ARMCX4: variants seen among roughly 807,000 people sequenced by gnomAD.
The protein encoded by ARMCX4 is armadillo repeat-containing X-linked protein 4.
Under a neutral mutation model 34.7 loss-of-function variants are expected in ARMCX4, and 3 were observed. The ratio of observed to expected loss-of-function variants is 0.09; its 90% CI spans 0.04 to 0.22. ARMCX4 has a LOEUF of 0.22. Among genes scored for constraint, ARMCX4 ranks in the 10% least tolerant of loss-of-function variants. The pLI is 1.00. For synonymous variants in ARMCX4, 513 were observed against 632.8 expected (o/e 0.81, Z 2.84); for missense variants, 1,448 against 1,720.8 (o/e 0.84, Z 2.81).
chrX:101,520,929 C>CT lies in ARMCX4; in HGVS notation c.*1780+9889dup, dbSNP rs201578184. 5.4e-3 allele frequency among the ~76,000 whole-genome samples: 509 copies of CT among 94,677 alleles called. 2 individuals are homozygous for CT. Among genetic ancestry groups the CT allele is most frequent in the East Asian group, 0.029 (89 of 3,033 alleles). 82.2% of individuals were successfully genotyped at this position (94,677 alleles called of 115,157 possible). On this transcript the variant is annotated intron_variant and NMD_transcript_variant, in intron 11 of 12. Transcript: ENST00000354842. Reference sequence around the variant, plus strand: ...AAAAAAATTATTACTAATTAAATGTCTTTTTTTTTTTTTTTGAGATGGAGT... The same window carrying CT: ...AAAAAAATTATTACTAATTAAATGTCTTTTTTTTTTTTTTTTGAGATGGAGT...
In ARMCX4 at chrX:101,490,941, AACAGGCTCTGTCCAGCCC is replaced by A. The variant is rs1238394830; in HGVS notation, c.2353_2370del (p.Thr785_Pro790del). The A allele has an allele frequency of 5.2e-6, 6 of 1,153,893 alleles. No individual in the cohort carries two copies. The African/African-American group carries it at 1.1e-4, about 21-fold the overall frequency. On this transcript the variant is annotated inframe_deletion, in exon 6 of 6. Transcript: ENST00000423738. ...CTAAGGCAGAAGCTGGGATGGGTGC[AACAGGCTCTGTCCAGCCC>A]CAGGCTGTGGCTAATTCCCATTGTG...
chrX:101,476,188 A>G (rs1290877847), intron 4 of ARMCX4, among the ~76,000 whole-genome samples: 1 of 109,755 alleles, frequency 9.1e-6, no homozygotes, highest in Non-Finnish European at 1.9e-5. Flanking sequence ...GCAAATATTT[A>G]TTGAGTGCTT....
At chrX:101,461,568 T>C (rs1324741999) in intron 4 of ARMCX4, among the ~76,000 whole-genome samples, 2 of 111,955 alleles carry the variant, frequency 1.8e-5, no homozygotes, top group Non-Finnish European at 3.8e-5. Context: ...CTTTTGGCTA[T>C]ATACCCAGAA....
At chrX:101,458,516 C>CT (rs1231777633) in intron 4 of ARMCX4, among the ~76,000 whole-genome samples, 2 of 109,468 alleles carry the variant, frequency 1.8e-5, no homozygotes, top group Non-Finnish European at 3.8e-5. Context: ...ATATCCCCCC[C>CT]CTTTTTTTTT....
intron 4 of ARMCX4, among the ~76,000 whole-genome samples, chrX:101,456,446 T>A (rs1932285614): frequency 1.8e-5 from 2 of 112,140 alleles, no homozygotes; most frequent in Admixed American, 1.9e-4. Context: ...TTCATCTATT[T>A]GCTGGCCTCA....
chrX:101,517,008 C>A (rs1556018124), intron 11 of ARMCX4: 2 of 111,919 alleles, frequency 1.8e-5, no homozygotes, highest in African/African-American at 6.5e-5. Flanking sequence ...ATAGTTGATA[C>A]CCGTGGCAGT....
At chrX:101,515,665 A>T (rs1006840084) in intron 11 of ARMCX4, among the ~76,000 whole-genome samples, 1 of 105,609 alleles carries the variant, frequency 9.5e-6, no homozygotes, top group Non-Finnish European at 1.9e-5. Context: ...CAGCTTCCTG[A>T]GCAGCTGGGA....
intron 11 of ARMCX4, among the ~76,000 whole-genome samples, chrX:101,526,600 A>C (rs1159002319): frequency 8.9e-6 from 1 of 112,099 alleles, no homozygotes; most frequent in African/African-American, 3.2e-5. Context: ...TCTCACGTGC[A>C]GAGACACACG....
At position 101,490,777 on chromosome X, in the gene ARMCX4, G is replaced by T; in HGVS notation, c.2188G>T (p.Gly730Cys). 8.7e-7 allele frequency: 1 copy of T among 1,150,782 alleles called. No homozygotes were observed. The highest frequency in any genetic ancestry group is 2.7e-5 in the Admixed American group (1 of 37,612). 94.8% of individuals were successfully genotyped at this position (1,150,782 alleles called of 1,213,427 possible). ...GCCTGGTGCCAAGAATAAGATCAGAGGCAATCCCACTACTGTGCCTAATTC... is the reference window on the plus strand; with the variant it reads ...GCCTGGTGCCAAGAATAAGATCAGATGCAATCCCACTACTGTGCCTAATTC... ...VLPGAKNKIR[G>C]NPTTVPNSGV... is the part of the protein sequence containing the mutation. The change falls in exon 6 of 6, where the codon GGC becomes TGC. Residue 730 changes from glycine to cysteine, a missense_variant. Gly to Cys is a radical substitution (Grantham distance 159). Transcript: ENST00000423738.
chrX:101,454,146 G>A (rs1932136655), intron 4 of ARMCX4, among the ~76,000 whole-genome samples: 1 of 111,024 alleles, frequency 9.0e-6, no homozygotes, highest in Non-Finnish European at 1.9e-5. Flanking sequence ...GATGGGGTGG[G>A]GAAGGAGCAG....
At chrX:101,504,741 C>T (rs1167505921) in intron 7 of ARMCX4, among the ~76,000 whole-genome samples, 1 of 111,136 alleles carries the variant, frequency 9.0e-6, no homozygotes, top group Non-Finnish European at 1.9e-5. Flanking sequence ...GGGTCATGCA[C>T]ATATAAGAAA....
At chrX:101,514,936 T>A (rs1934675378) in intron 11 of ARMCX4, among the ~76,000 whole-genome samples, 1 of 111,884 alleles carries the variant, frequency 8.9e-6, no homozygotes, top group South Asian at 3.8e-4. Context: ...TACCCATATG[T>A]TCTCATTTAA....
intron 4 of ARMCX4, among the ~76,000 whole-genome samples, chrX:101,475,041 G>C (rs939239612): frequency 1.8e-4 from 20 of 110,168 alleles, no homozygotes; most frequent in Non-Finnish European, 3.0e-4. Flanking sequence ...AGGCACGGTG[G>C]CTCATGCCTT....
intron 4 of ARMCX4, among the ~76,000 whole-genome samples, chrX:101,478,971 TAC>T (rs1239643971): frequency 1.8e-5 from 2 of 110,892 alleles, no homozygotes; most frequent in African/African-American, 3.3e-5. Context: ...TGTATATACA[TAC>T]ACACACACAT....
At chrX:101,430,906 G>C (rs1929955871) in intron 2 of ARMCX4, among the ~76,000 whole-genome samples, 1 of 111,600 alleles carries the variant, frequency 9.0e-6, no homozygotes, top group Admixed American at 9.6e-5. Context: ...TGAGGATAGA[G>C]TCTCAGAAGG....
At position 101,495,794 on chromosome X, in the gene ARMCX4, A is replaced by G; in HGVS notation, c.*332A>G. ...GTCATCAATAAAGTTGTGTGTTTTA[A>G]GCAGCAGAAAAAAGTCATTGTCCTT... On this transcript the variant is annotated 3_prime_UTR_variant, in exon 6 of 6. Coordinates refer to ENST00000423738, the MANE Select transcript of ARMCX4 (RefSeq NM_001256155.3). The G allele has an allele frequency of 6.5e-6, 1 of 153,494 alleles. No homozygotes were observed. Among genetic ancestry groups the G allele is most frequent in the Non-Finnish European group, 1.3e-5 (1 of 75,264 alleles). 12.6% of individuals were successfully genotyped at this position (153,494 alleles called of 1,213,427 possible). A position where few individuals can be genotyped will look rare whatever the true frequency, so the allele number is the denominator to read the frequency against.
intron 4 of ARMCX4, among the ~76,000 whole-genome samples, chrX:101,456,629 A>C (rs1932299008): frequency 8.9e-6 from 1 of 111,833 alleles, no homozygotes; most frequent in Non-Finnish European, 1.9e-5. Flanking sequence ...TCACCAACCA[A>C]CTTCAACAAT....
upstream of ARMCX4, among the ~76,000 whole-genome samples, chrX:101,483,311 G>A (rs1366568089): frequency 2.7e-5 from 3 of 111,424 alleles, no homozygotes; most frequent in Non-Finnish European, 3.8e-5. Context: ...GAATTATTGG[G>A]TCAAAGAATT....
chrX:101,441,123 C>T (rs4986645), intron 2 of ARMCX4, among the ~76,000 whole-genome samples: 7,143 of 110,876 alleles, frequency 0.064, 222 homozygotes, highest in South Asian at 0.27. Context: ...CTCCACCCCC[C>T]GGGACTAACA....
Sources: gnomAD v4.1 joint callset for allele counts (sites outside exome capture counted in the v4.1 genomes callset) on GRCh38, gnomAD v4.1.1 for gene constraint, MANE v1.5 for transcripts, NCBI Gene and HGNC (gene_info 2026-07-23, HGNC 2026-07-21) for gene names.